The following NMNAT3 variants were observed in gnomAD, a reference collection of about 807,000 sequenced individuals.
The protein encoded by NMNAT3 is nicotinamide/nicotinic acid mononucleotide adenylyltransferase 3.
In NMNAT3, 21 loss-of-function variants were observed where a neutral mutation model predicts 24.8. The ratio of observed to expected loss-of-function variants is 0.85; its 90% CI spans 0.60 to 1.22. The LOEUF (loss-of-function observed/expected upper bound fraction) is 1.22. Ranked by LOEUF, NMNAT3 falls within the 50% of genes most tolerant of loss-of-function variation. NMNAT3 has a pLI of 0.00. For synonymous variants in NMNAT3, 136 were observed against 155.2 expected (o/e 0.88, Z 0.92); for missense variants, 387 against 436.6 (o/e 0.89, Z 1.01).
chr3:139,601,754 C>G (rs1576620636), intron 3 of NMNAT3, among the ~76,000 whole-genome samples: 1 of 152,146 alleles, frequency 6.6e-6, no homozygotes, highest in East Asian at 1.9e-4. Context: ...GATGGGTAGT[C>G]ACTGCTGGGC....
chr3:139,578,820 C>T, intron 5 of NMNAT3, 52 bp downstream of exon 5: 1 of 1,509,864 alleles, frequency 6.6e-7, no homozygotes, highest in Non-Finnish European at 9.0e-7. Context: ...GTAAGCTCTG[C>T]AGACATCTCC....
chr3:139,568,422 T>G (rs1488832906), intron 6 of NMNAT3: 1 of 152,232 alleles, frequency 6.6e-6, no homozygotes, highest in Admixed American at 6.5e-5. Context: ...CTAGTTCTTT[T>G]AATTGTGATG....
At chr3:139,674,926 G>A (rs1432289411) in intron 1 of NMNAT3, among the ~76,000 whole-genome samples, 2 of 152,174 alleles carry the variant, frequency 1.3e-5, no homozygotes, top group African/African-American at 4.8e-5. Context: ...ACAGCCCTAT[G>A]AATTAGCTAC....
chr3:139,573,256 A>G (rs1938705833), intron 6 of NMNAT3, among the ~76,000 whole-genome samples: 1 of 152,232 alleles, frequency 6.6e-6, no homozygotes, highest in Non-Finnish European at 1.5e-5. Context: ...TACATTCAAA[A>G]AGGCTAAGGC....
At chr3:139,631,420 A>G (rs1393813581) in intron 2 of NMNAT3, among the ~76,000 whole-genome samples, 2 of 152,166 alleles carry the variant, frequency 1.3e-5, no homozygotes, top group Non-Finnish European at 2.9e-5. Context: ...TGCATGCTAT[A>G]AAAGTGTCCC....
At chr3:139,652,788 C>T (rs568786560) in intron 1 of NMNAT3, among the ~76,000 whole-genome samples, 20 of 152,274 alleles carry the variant, frequency 1.3e-4, no homozygotes, top group African/African-American at 4.3e-4. Context: ...TCCAATAAAC[C>T]ACGCATCTTC....
At chr3:139,622,800 GATA>G in intron 3 of NMNAT3, among the ~76,000 whole-genome samples, 1 of 136,538 alleles carries the variant, frequency 7.3e-6, no homozygotes, top group Admixed American at 7.8e-5. Flanking sequence ...TGATATATAT[GATA>G]TATATATAAA....
intron 3 of NMNAT3, among the ~76,000 whole-genome samples, chr3:139,615,417 T>TTCTATCTATCTGTCTA (rs1553751025): frequency 7.8e-5 from 11 of 140,236 alleles, no homozygotes; most frequent in African/African-American, 3.0e-4. Flanking sequence ...CACACACATT[T>TTCTATCTATCTGTCTA]TCTATCTATC....
At chr3:139,628,902 G>A in intron 2 of NMNAT3, among the ~76,000 whole-genome samples, 1 of 152,184 alleles carries the variant, frequency 6.6e-6, no homozygotes, top group East Asian at 1.9e-4. Flanking sequence ...AATCACTGTG[G>A]CTGTGGTGAT....
intron 3 of NMNAT3, among the ~76,000 whole-genome samples, chr3:139,609,221 A>C (rs959626995): frequency 6.6e-5 from 10 of 152,246 alleles, no homozygotes; most frequent in Non-Finnish European, 1.3e-4. Context: ...CTGTGTGAAC[A>C]CAAGTTTTCA....
chr3:139,616,979 CAG>C (rs1333932262), intron 3 of NMNAT3, among the ~76,000 whole-genome samples: 2 of 152,228 alleles, frequency 1.3e-5, no homozygotes, highest in Non-Finnish European at 2.9e-5. Context: ...TCTTCCAATA[CAG>C]AGTCTTTGCA....
intron 1 of NMNAT3, among the ~76,000 whole-genome samples, chr3:139,644,381 TTAAATC>T (rs1347667032): frequency 6.6e-6 from 1 of 152,112 alleles, no homozygotes; most frequent in Admixed American, 6.5e-5. Context: ...GAAAACAACT[TTAAATC>T]TAGACCATCA....
rs774593759 is a variant in NMNAT3 at position 139,561,286 on chromosome 3, G to A, written c.765C>T (p.Gly255=). The A allele has an allele frequency of 3.7e-6, 6 of 1,613,896 alleles. No individual in the cohort carries two copies. The highest frequency in any genetic ancestry group is 2.7e-5 in the African/African-American group (2 of 74,882). ...GACCTACTCGGCCCACGCACACCAA[G>A]CCAAACTTCTCCACTATTTCCTGGA... is the stretch of plus-strand genomic sequence containing the variant. Residue 255 remains glycine, a synonymous_variant, in exon 7 of 7, where the codon GGC becomes GGT. Coordinates refer to ENST00000643695, the MANE Select transcript of NMNAT3 (RefSeq NM_001320510.2).
intron 2 of NMNAT3, among the ~76,000 whole-genome samples, chr3:139,633,575 G>GCTGT (rs2056387940): frequency 6.6e-6 from 1 of 152,160 alleles, no homozygotes; most frequent in African/African-American, 2.4e-5. Flanking sequence ...CTTTTTAGCG[G>GCTGT]CAGGCTGTCA....
At chr3:139,673,619 T>C (rs1406251017) in intron 1 of NMNAT3, among the ~76,000 whole-genome samples, 1 of 152,146 alleles carries the variant, frequency 6.6e-6, no homozygotes, top group African/African-American at 2.4e-5. Context: ...TCAGGAGAGT[T>C]AAGCCAGTTT....
At chr3:139,653,210 G>A (rs2057115294) in intron 1 of NMNAT3, among the ~76,000 whole-genome samples, 2 of 152,052 alleles carry the variant, frequency 1.3e-5, no homozygotes. Context: ...TGGCTCCTAA[G>A]AGGTCATCCT....
At chr3:139,655,975 A>T (rs1331717965) in intron 1 of NMNAT3, among the ~76,000 whole-genome samples, 1 of 152,190 alleles carries the variant, frequency 6.6e-6, no homozygotes, top group Non-Finnish European at 1.5e-5. Flanking sequence ...TTCTGCTTCT[A>T]GCAGGAATTT....
In NMNAT3 at chr3:139,622,558, C is replaced by A. The variant is rs550988243; in HGVS notation, c.109+5058G>T. On this transcript the variant is annotated intron_variant, in intron 3 of 6. Transcript: ENST00000643695. ...GACCAGCCTGACCAATATGATGAAA[C>A]CCCATCTTTACTAAAAATACAAAAA... Among the ~76,000 whole-genome samples the A allele has an allele frequency of 8.7e-4, 131 of 151,252 alleles. 1 individual carries two copies. The highest frequency in any genetic ancestry group is 1.6e-3 in the Non-Finnish European group (108 of 67,854).
intron 2 of NMNAT3, among the ~76,000 whole-genome samples, chr3:139,631,486 C>T (rs184223050): frequency 4.2e-4 from 64 of 152,260 alleles, no homozygotes; most frequent in African/African-American, 1.5e-3. Flanking sequence ...AGGGAGACTT[C>T]TGCTATTGGG....
Sources: gnomAD v4.1 joint callset for allele counts (sites outside exome capture counted in the v4.1 genomes callset) on GRCh38, gnomAD v4.1.1 for gene constraint, MANE v1.5 for transcripts, NCBI Gene and HGNC (gene_info 2026-07-23, HGNC 2026-07-21) for gene names.